Variants in CHRM3 observed in about 807,000 individuals in gnomAD.
CHRM3 encodes muscarinic acetylcholine receptor M3.
In CHRM3, 11 loss-of-function variants were observed where a neutral mutation model predicts 41.8. The observed-to-expected ratio is 0.26, with a 90% CI of 0.17 to 0.44. The LOEUF is 0.44. CHRM3 is among the 20% of genes least tolerant of loss of function. CHRM3 has a pLI of 1.00. For synonymous variants in CHRM3, 297 were observed against 301.4 expected (o/e 0.99, Z 0.15); for missense variants, 571 against 745.4 (o/e 0.77, Z 2.72).
intron 5 of CHRM3, among the ~76,000 whole-genome samples, chr1:239,776,849 A>G (rs1221503535): frequency 6.6e-6 from 1 of 152,138 alleles, no homozygotes; most frequent in Non-Finnish European, 1.5e-5. Context: ...GGAGAAGTAC[A>G]GAGCAAAGTA....
intron 5 of CHRM3, among the ~76,000 whole-genome samples, chr1:239,780,798 G>A (rs1288533764): frequency 7.3e-6 from 1 of 137,344 alleles, no homozygotes; most frequent in Non-Finnish European, 1.6e-5. Flanking sequence ...AAGGGTGTAA[G>A]GTCTGTGTCT....
chr1:239,551,362 A>G (rs12123588), intron 3 of CHRM3, among the ~76,000 whole-genome samples: 53,758 of 150,808 alleles, frequency 0.36, 11,767 homozygotes, highest in East Asian at 0.6. Flanking sequence ...GGGTTTCTCC[A>G]TGTTGGTCAG....
chr1:239,831,714 G>C (rs982644583), intron 6 of CHRM3, among the ~76,000 whole-genome samples: 1 of 152,144 alleles, frequency 6.6e-6, no homozygotes, highest in Non-Finnish European at 1.5e-5. Flanking sequence ...TGAGGCCCGG[G>C]GGTGCTTGAC....
intron 3 of CHRM3, among the ~76,000 whole-genome samples, chr1:239,549,826 A>G (rs1002199015): frequency 3.5e-4 from 53 of 152,120 alleles, no homozygotes; most frequent in Middle Eastern, 3.4e-3. Flanking sequence ...TTCAGACCTG[A>G]AGTCTAATGT....
chr1:239,526,758 C>T (rs1357616810), intron 2 of CHRM3, among the ~76,000 whole-genome samples: 3 of 152,180 alleles, frequency 2.0e-5, no homozygotes, highest in African/African-American at 7.2e-5. Flanking sequence ...GTCTGCCTCA[C>T]CCATATCAGT....
rs370745622 is a variant in CHRM3, at chr1:239,618,941, A to G, written c.-312-13283A>G. Among the ~76,000 whole-genome samples, 67 of 148,726 alleles carry G rather than the reference A, an allele frequency of 4.5e-4. No individual in the cohort carries two copies. In the South Asian group the frequency reaches 0.012, roughly 26 times the overall value. On this transcript the variant is annotated intron_variant, in intron 3 of 6. Coordinates refer to ENST00000676153, the MANE Select transcript of CHRM3 (RefSeq NM_001375978.1). ...TTTATTTATTTATTTTTGAGATGGAATCTCACTCTGTCGCCCAGGCTGGAG... is the reference window on the plus strand; with the variant it reads ...TTTATTTATTTATTTTTGAGATGGAGTCTCACTCTGTCGCCCAGGCTGGAG...
At chr1:239,716,338 G>C (rs1035022082) in intron 5 of CHRM3, among the ~76,000 whole-genome samples, 3 of 152,106 alleles carry the variant, frequency 2.0e-5, no homozygotes, top group Admixed American at 2.0e-4. Context: ...AACAAGTATA[G>C]AGGTGGCCAA....
At chr1:239,633,110 C>T (rs930908991) in intron 4 of CHRM3, among the ~76,000 whole-genome samples, 39 of 152,188 alleles carry the variant, frequency 2.6e-4, no homozygotes, top group Admixed American at 2.6e-4. Flanking sequence ...GTAGCTGGGA[C>T]TACAAGCGCT....
In CHRM3 at chr1:239,759,315, GA is replaced by G. The variant is rs535876295; in HGVS notation, c.-146-67925del. ...ATCTCAATAGGAAACACATTATTTT[GA>G]AAAAAAAAAAAGCTACTGTATTATC... is the stretch of plus-strand genomic sequence containing the variant. On this transcript the variant is annotated intron_variant, in intron 5 of 6. Transcript: ENST00000676153. 8.7e-3 allele frequency among the ~76,000 whole-genome samples: 1,075 copies of G among 124,140 alleles called. 11 individuals carry two copies. The highest frequency in any genetic ancestry group is 0.023 in the South Asian group (83 of 3,644). 81.4% of individuals were successfully genotyped at this position (124,140 alleles called of 152,430 possible).
chr1:239,875,326 G>A (rs578097889), intron 6 of CHRM3, among the ~76,000 whole-genome samples: 62 of 152,288 alleles, frequency 4.1e-4, no homozygotes, highest in Middle Eastern at 3.4e-3. Flanking sequence ...CTTTGCCATC[G>A]CAAGGTCTCT....
Position 239,715,700 on chromosome 1 carries a change from G to T in CHRM3, c.-147+37412G>T, listed in dbSNP as rs538612917. ...GTGGGAAGATTAGTTTTGGATAAGAGAAAAGATATCTCTTCTAATGAGTTG... is the reference window on the plus strand; with the variant it reads ...GTGGGAAGATTAGTTTTGGATAAGATAAAAGATATCTCTTCTAATGAGTTG... On this transcript the variant is annotated intron_variant, in intron 5 of 6. Coordinates refer to ENST00000676153, the MANE Select transcript of CHRM3 (RefSeq NM_001375978.1). Among the ~76,000 whole-genome samples, 36 of 152,178 alleles carry T rather than the reference G, an allele frequency of 2.4e-4. No individual in the cohort carries two copies. In the South Asian group the frequency reaches 6.8e-3, roughly 29 times the overall value.
chr1:239,731,210 G>C (rs1230545533), intron 5 of CHRM3, among the ~76,000 whole-genome samples: 1 of 151,800 alleles, frequency 6.6e-6, no homozygotes, highest in Non-Finnish European at 1.5e-5. Flanking sequence ...GTGCACTTCT[G>C]TTAGGTAAGA....
intron 1 of CHRM3, among the ~76,000 whole-genome samples, chr1:239,420,097 G>C (rs1661829354): frequency 6.6e-6 from 1 of 152,184 alleles, no homozygotes; most frequent in Non-Finnish European, 1.5e-5. Flanking sequence ...TGGGCCTGTA[G>C]TTTGAGGAGT....
chr1:239,632,150 T>G (rs1049542959), intron 3 of CHRM3, 74 bp from the exon 4 acceptor site: 1 of 152,240 alleles, frequency 6.6e-6, no homozygotes, highest in Non-Finnish European at 1.5e-5. Context: ...GTGTAACCTA[T>G]TGATGTTCTT....
At chr1:239,875,306 A>G (rs1019578074) in intron 6 of CHRM3, among the ~76,000 whole-genome samples, 26 of 152,136 alleles carry the variant, frequency 1.7e-4, no homozygotes, top group Non-Finnish European at 3.2e-4. Context: ...CTGAGAGCAA[A>G]TATTTTAGGC....
chr1:239,686,079 A>G (rs1003059299), intron 5 of CHRM3, among the ~76,000 whole-genome samples: 4 of 151,806 alleles, frequency 2.6e-5, no homozygotes, highest in Non-Finnish European at 5.9e-5. Flanking sequence ...GAATGACTCT[A>G]ATATGCTCTT....
chr1:239,741,320 A>G (rs777443330), intron 5 of CHRM3, among the ~76,000 whole-genome samples: 4 of 152,170 alleles, frequency 2.6e-5, no homozygotes, highest in African/African-American at 4.8e-5. Flanking sequence ...GTTTGTTCAG[A>G]TTCTTCTCTG....
At chr1:239,821,959 G>A (rs966554594) in intron 5 of CHRM3, among the ~76,000 whole-genome samples, 4 of 152,076 alleles carry the variant, frequency 2.6e-5, no homozygotes, top group African/African-American at 7.2e-5. Flanking sequence ...CACTCACTAC[G>A]TCCTGCCACC....
chr1:239,662,519 T>C (rs1673304291), intron 4 of CHRM3, among the ~76,000 whole-genome samples: 1 of 152,138 alleles, frequency 6.6e-6, no homozygotes, highest in Admixed American at 6.6e-5. Flanking sequence ...ACTTAATTTT[T>C]CTGTTGAGAA....
Sources: allele counts gnomAD v4.1 joint callset (sites outside exome capture counted in the v4.1 genomes callset), GRCh38; gene constraint gnomAD v4.1.1; transcripts MANE v1.5; gene names NCBI Gene and HGNC (gene_info 2026-07-23, HGNC 2026-07-21).